Variants in MTHFD2L observed in about 807,000 individuals in gnomAD.
MTHFD2L encodes methylenetetrahydrofolate dehydrogenase (NADP+ dependent) 2 like.
In MTHFD2L, 29 loss-of-function variants were observed where a neutral mutation model predicts 34.9. That is an observed-to-expected ratio of 0.83 (90% CI 0.62 to 1.13). The LOEUF (loss-of-function observed/expected upper bound fraction) is 1.13. Among genes scored for constraint, MTHFD2L ranks in the 50% most tolerant of loss-of-function variants. The pLI is 0.00. For missense variants in MTHFD2L, 481 were observed against 446.5 expected, an observed-to-expected ratio of 1.08 and a Z score of -0.70; for synonymous variants, 167 against 155.7, an observed-to-expected ratio of 1.07 and a Z score of -0.54.
chr4:74,193,408 T>C (rs1406059721), intron 3 of MTHFD2L, among the ~76,000 whole-genome samples: 1 of 152,220 alleles, frequency 6.6e-6, no homozygotes, highest in Non-Finnish European at 1.5e-5. Context: ...AACTCTGTTT[T>C]CAAGATTGCT....
In MTHFD2L at chr4:74,239,792, G is replaced by T. The variant is rs754489117; in HGVS notation, c.805+14398G>T. ...ATCAGATATTACATTGTAAAAAGGG[G>T]CAAGTGCATTGCAGTAATGTTTTTG... On this transcript the variant is annotated intron_variant, in intron 6 of 7. Coordinates refer to ENST00000325278, the MANE Select transcript of MTHFD2L (RefSeq NM_001144978.3). 2.0e-5 allele frequency among the ~76,000 whole-genome samples: 3 copies of T among 152,210 alleles called. No homozygotes were observed. The South Asian group carries it at 6.2e-4, about 32-fold the overall frequency.
Position 74,190,615 on chromosome 4 carries a change from C to G in MTHFD2L, c.452-9179C>G, listed in dbSNP as rs928476751. On this transcript the variant is annotated intron_variant, in intron 3 of 7. Coordinates refer to ENST00000325278, the MANE Select transcript of MTHFD2L (RefSeq NM_001144978.3). ...TGTGTTCCCATTCCTTTTCTGTCCC[C>G]TTGTCCCTTGATGTTGAAACAACTC... 29 of 646,188 alleles carry G rather than the reference C, an allele frequency of 4.5e-5. 1 individual carries two copies. In the African/African-American group the frequency reaches 5.2e-4, roughly 12 times the overall value. The allele number at this position is 646,188 out of a possible 1,614,324, so 40.0% of individuals were successfully genotyped here. A position where few individuals can be genotyped will look rare whatever the true frequency, so the allele number is the denominator to read the frequency against.
At chr4:74,208,090 A>T (rs967933340) in intron 5 of MTHFD2L, among the ~76,000 whole-genome samples, 10 of 152,122 alleles carry the variant, frequency 6.6e-5, no homozygotes, top group African/African-American at 1.9e-4. Flanking sequence ...GCAGGTATTT[A>T]GTCTCTGCCA....
At chr4:74,270,496 GA>G (rs1745828269) in intron 6 of MTHFD2L, among the ~76,000 whole-genome samples, 1 of 152,110 alleles carries the variant, frequency 6.6e-6, no homozygotes, top group African/African-American at 2.4e-5. Context: ...CAAAGGACAT[GA>G]ACTCATCATT....
chr4:74,236,972 G>C (rs1246586), intron 6 of MTHFD2L, among the ~76,000 whole-genome samples: 41,148 of 151,766 alleles, frequency 0.27, 6,075 homozygotes, highest in African/African-American at 0.39. Flanking sequence ...GTAAAAAAGT[G>C]GTTTAATAAC....
At chr4:74,165,514 C>T (rs924240588) in intron 1 of MTHFD2L, among the ~76,000 whole-genome samples, 2 of 152,072 alleles carry the variant, frequency 1.3e-5, no homozygotes, top group African/African-American at 2.4e-5. Flanking sequence ...CATGCCACCA[C>T]GCCCAGCTAA....
chr4:74,158,430 C>A, intron 1 of MTHFD2L, 149 bp downstream of exon 1: 1 of 529,258 alleles, frequency 1.9e-6, no homozygotes, highest in Non-Finnish European at 2.4e-6. Context: ...TGTGAGGTGG[C>A]CTTGCCGGTC....
intron 6 of MTHFD2L, among the ~76,000 whole-genome samples, chr4:74,280,643 A>T (rs190342261): frequency 0.011 from 1,618 of 143,338 alleles, 17 homozygotes; most frequent in African/African-American, 0.029. Context: ...TTTTTTTTTT[A>T]AAAAACTGGA....
At chr4:74,256,264 C>T (rs1206274100) in intron 6 of MTHFD2L, among the ~76,000 whole-genome samples, 1 of 152,098 alleles carries the variant, frequency 6.6e-6, no homozygotes, top group Non-Finnish European at 1.5e-5. Flanking sequence ...CGCATGCCAC[C>T]ACACCCAGCT....
At chr4:74,223,385 A>C (rs1738570532) in intron 5 of MTHFD2L, among the ~76,000 whole-genome samples, 1 of 152,094 alleles carries the variant, frequency 6.6e-6, no homozygotes, top group Non-Finnish European at 1.5e-5. Flanking sequence ...CAAATACTGC[A>C]TGCTCTCACT....
intron 6 of MTHFD2L, among the ~76,000 whole-genome samples, chr4:74,277,895 G>C (rs1375280320): frequency 6.6e-6 from 1 of 151,984 alleles, no homozygotes; most frequent in Non-Finnish European, 1.5e-5. Context: ...GTTTCACTGT[G>C]TGGTCAGTGC....
intron 5 of MTHFD2L, among the ~76,000 whole-genome samples, chr4:74,202,011 C>T (rs1734525168): frequency 6.6e-6 from 1 of 152,090 alleles, no homozygotes; most frequent in African/African-American, 2.4e-5. Context: ...TCCCACAGAC[C>T]CTGACCCAAC....
At chr4:74,282,257 G>A (rs1747595496) in intron 7 of MTHFD2L, among the ~76,000 whole-genome samples, 1 of 152,012 alleles carries the variant, frequency 6.6e-6, no homozygotes, top group Non-Finnish European at 1.5e-5. Context: ...GATTTTCAGT[G>A]TGCCTAGGAG....
chr4:74,185,816 G>A (rs1301210114), intron 3 of MTHFD2L, among the ~76,000 whole-genome samples: 1 of 152,080 alleles, frequency 6.6e-6, no homozygotes, highest in African/African-American at 2.4e-5. Context: ...TGGCATCCCT[G>A]GTGAATTTTA....
intron 6 of MTHFD2L, among the ~76,000 whole-genome samples, chr4:74,258,427 T>G (rs1419439875): frequency 6.6e-6 from 1 of 151,938 alleles, no homozygotes; most frequent in Non-Finnish European, 1.5e-5. Flanking sequence ...CAGTTGATCC[T>G]TAAACAACAT....
upstream of MTHFD2L, among the ~76,000 whole-genome samples, chr4:74,124,076 G>T (rs1721906394): frequency 6.6e-6 from 1 of 151,712 alleles, no homozygotes; most frequent in Non-Finnish European, 1.5e-5. Context: ...GGTTAATATT[G>T]CCTGTTAAAA....
At chr4:74,258,213 TA>T (rs1365317445) in intron 6 of MTHFD2L, among the ~76,000 whole-genome samples, 2 of 152,168 alleles carry the variant, frequency 1.3e-5, no homozygotes, top group Non-Finnish European at 2.9e-5. Flanking sequence ...TATTAACTAG[TA>T]ATCACCCTTC....
At position 74,267,963 on chromosome 4, in the gene MTHFD2L, T is replaced by A. The variant is rs563527558; in HGVS notation, c.806-13462T>A. On this transcript the variant is annotated intron_variant, in intron 6 of 7. Coordinates refer to ENST00000325278, the MANE Select transcript of MTHFD2L (RefSeq NM_001144978.3). ...AGCACCATCCTGGTACCACAAGGAA[T>A]AGAAGCTTTGGGGGCATTCAGATAT... 7.5e-3 allele frequency: 7,357 copies of A among 985,290 alleles called. 32 individuals carry two copies. The highest frequency in any genetic ancestry group is 8.2e-3 in the Non-Finnish European group (6,782 of 829,902). The allele number at this position is 985,290 out of a possible 1,614,324, so 61.0% of individuals were successfully genotyped here. A position where few individuals can be genotyped will look rare whatever the true frequency, so the allele number is the denominator to read the frequency against.
At chr4:74,190,469 A>G (rs1732275429) in intron 3 of MTHFD2L, 1 of 985,070 alleles carries the variant, frequency 1.0e-6, no homozygotes, top group South Asian at 4.7e-5. Flanking sequence ...GCTGTAGGAG[A>G]GGCTCAGAAG....
Sources: gnomAD v4.1 joint callset for allele counts (sites outside exome capture counted in the v4.1 genomes callset) on GRCh38, gnomAD v4.1.1 for gene constraint, MANE v1.5 for transcripts, NCBI Gene and HGNC (gene_info 2026-07-23, HGNC 2026-07-21) for gene names.